The following RGS3 variants were observed in gnomAD, a reference collection of about 807,000 sequenced individuals.
RGS3 encodes the protein regulator of G protein signaling 3.
In RGS3, 80 loss-of-function variants were observed where a neutral mutation model predicts 132.6. The ratio of observed to expected loss-of-function variants is 0.60; its 90% confidence interval spans 0.50 to 0.73. The LOEUF (loss-of-function observed/expected upper bound fraction) is 0.73, where lower values mean the gene tolerates loss of function less well. Among genes scored for constraint, RGS3 ranks in the 30% least tolerant of loss-of-function variants. The pLI, the probability that RGS3 is intolerant of heterozygous loss-of-function variation, is 0.00. For missense variants in RGS3, 1,382 were observed against 1,530.8 expected (o/e 0.90, Z 1.62); for synonymous variants, 598 against 620.6 (o/e 0.96, Z 0.54).
chr9:113,507,290 C>A lies in RGS3; in HGVS notation c.1089C>A (p.Ser363Arg). ...TGTGTGATCCCCCACCTTCCAGGAG[C>A]TGCCCCAGTGAGATCATCCTACTCG... The change falls in exon 13 of 25, where the codon AGC (serine) becomes AGA (arginine). Residue 363 changes from serine (S) to arginine (R), a missense_variant. Transcript: ENST00000350696. The surrounding 1 kb of genome is among the most constrained non-coding windows in gnomAD (Gnocchi z 5.0). The A allele has an allele frequency of 6.2e-7, 1 of 1,605,540 alleles. No individual in the cohort carries two copies.
chr9:113,530,204 A>G (rs112480364), intron 18 of RGS3, among the ~76,000 whole-genome samples: 2,069 of 152,344 alleles, frequency 0.014, 42 homozygotes, highest in African/African-American at 0.048. Flanking sequence ...ACAGTTTGTG[A>G]TTGAAAATCA....
At chr9:113,451,189 A>T (rs2119141675) in intron 1 of RGS3, among the ~76,000 whole-genome samples, 1 of 123,518 alleles carries the variant, frequency 8.1e-6, no homozygotes, top group East Asian at 2.1e-4. Flanking sequence ...AAAAAAAAAG[A>T]AAAAAAAAAA....
At chr9:113,577,376 A>G (rs1295730706) in intron 19 of RGS3, among the ~76,000 whole-genome samples, 2 of 152,178 alleles carry the variant, frequency 1.3e-5, no homozygotes, top group East Asian at 1.9e-4. Context: ...CAACCTCCCT[A>G]GTAAAAAGAT....
chr9:113,463,310 T>C lies in RGS3; in HGVS notation c.415+1109T>C, dbSNP rs112927389. 0.041 allele frequency among the ~76,000 whole-genome samples: 6,274 copies of C among 152,314 alleles called. 170 individuals are homozygous for C. Among genetic ancestry groups the C allele is most frequent in the South Asian group, 0.1 (495 of 4,830 alleles). On this transcript the variant is annotated intron_variant, in intron 3 of 24. Coordinates refer to ENST00000350696, the Ensembl canonical transcript of RGS3. The surrounding 1 kb of genome is among the most constrained non-coding windows in gnomAD (Gnocchi z 4.6). ...AACACTTTTCCAAACCTCACTGCCC[T>C]GGGCCATCGGGTGCTCCTTTGCCTT...
intron 4 of RGS3, among the ~76,000 whole-genome samples, chr9:113,482,651 C>T (rs143913591): frequency 6.6e-5 from 10 of 152,326 alleles, no homozygotes; most frequent in African/African-American, 1.7e-4. Context: ...CCAAATCCAG[C>T]GGTCATTCCC....
At chr9:113,470,152 C>T (rs754121072) in intron 3 of RGS3, among the ~76,000 whole-genome samples, 4 of 133,760 alleles carry the variant, frequency 3.0e-5, no homozygotes, top group Non-Finnish European at 6.3e-5. Flanking sequence ...CTCAGGTGAT[C>T]CACCTGCCTT....
chr9:113,588,260 C>A (rs1454014714), intron 20 of RGS3, among the ~76,000 whole-genome samples: 2 of 152,228 alleles, frequency 1.3e-5, no homozygotes, highest in African/African-American at 4.8e-5. Context: ...GACGATAATA[C>A]CTTCAAGCCT....
chr9:113,594,316 C>T, intron 21 of RGS3, 114 bp from the exon 20 acceptor site: 1 of 1,591,960 alleles, frequency 6.3e-7, no homozygotes, highest in East Asian at 2.2e-5. Flanking sequence ...CGGGAACCTG[C>T]AGAGGCGACA....
rs1412141557 is a variant in RGS3 at position 113,514,532 on chromosome 9, A to G, written c.1552A>G (p.Thr518Ala). The change falls in exon 15 of 25, where the codon ACC (threonine) becomes GCC (alanine). Residue 518 changes from threonine (T) to alanine (A), a missense_variant. Transcript: ENST00000350696. ...GTCCCGGCTGATGAAGACAGTGCAG[A>G]CCATGAAGGGCCACGGGAACTACCA... The G allele has an allele frequency of 7.4e-6, 12 of 1,614,078 alleles. No homozygotes were observed. Among genetic ancestry groups the G allele is most frequent in the Non-Finnish European group, 1.0e-5 (12 of 1,180,048 alleles).
intron 14 of RGS3, among the ~76,000 whole-genome samples, chr9:113,513,268 A>C (rs971641913): frequency 1.2e-4 from 18 of 151,830 alleles, no homozygotes; most frequent in Admixed American, 4.6e-4. Context: ...GTGTGTGTCC[A>C]TCAGTGTCCC....
chr9:113,540,940 C>A (rs530047720), intron 19 of RGS3, among the ~76,000 whole-genome samples: 1 of 152,186 alleles, frequency 6.6e-6, no homozygotes, highest in South Asian at 2.1e-4. Flanking sequence ...CTGAACTAGC[C>A]GCTATCGTTC....
intron 14 of RGS3, among the ~76,000 whole-genome samples, chr9:113,509,307 C>T (rs1412590586): frequency 6.6e-6 from 1 of 151,916 alleles, no homozygotes; most frequent in African/African-American, 2.4e-5. Context: ...AATCCTGTCC[C>T]CTCGCTGAGC....
intron 3 of RGS3, among the ~76,000 whole-genome samples, chr9:113,475,695 C>T (rs535340627): frequency 3.3e-5 from 5 of 152,012 alleles, no homozygotes; most frequent in South Asian, 2.1e-4. Context: ...CAGGCATGAG[C>T]GACCACACCC....
chr9:113,463,626 T>A lies in RGS3; in HGVS notation c.415+1425T>A. On this transcript the variant is annotated intron_variant, in intron 3 of 24. Coordinates refer to ENST00000350696, the Ensembl canonical transcript of RGS3. The surrounding 1 kb of genome is among the most constrained non-coding windows in gnomAD (Gnocchi z 4.6). ...CCAGCTCTGCTCCGGCAGGTGGAAC[T>A]CTCCCCATTCAAACCCGCGCGGGCC... The A allele has an allele frequency of 2.8e-6, 3 of 1,059,832 alleles. No homozygotes were observed. The highest frequency in any genetic ancestry group is 3.6e-6 in the Non-Finnish European group (3 of 825,252). The allele number at this position is 1,059,832 out of a possible 1,614,324, so 65.7% of individuals were successfully genotyped here.
chr9:113,535,078 C>A (rs1832624132), intron 18 of RGS3, among the ~76,000 whole-genome samples: 2 of 152,144 alleles, frequency 1.3e-5, no homozygotes, highest in Admixed American at 1.3e-4. Flanking sequence ...CTTAGTCTGT[C>A]TCATTTACCT....
intron 3 of RGS3, among the ~76,000 whole-genome samples, chr9:113,473,641 C>A (rs1388241092): frequency 6.6e-6 from 1 of 152,196 alleles, no homozygotes; most frequent in East Asian, 1.9e-4. Flanking sequence ...CCTGCCTCAG[C>A]CTCCCAAAGT....
Position 113,584,125 on chromosome 9 carries a change from G to A in RGS3, c.2713G>A (p.Asp905Asn), listed in dbSNP as rs766426185. Residue 905 changes from aspartate (D) to asparagine (N), a missense_variant, in exon 20 of 25, where the codon GAC (aspartate) becomes AAC (asparagine). By Grantham distance (23) the Asp-to-Asn change is conservative. Transcript: ENST00000350696. ...GGACGAGGATGAGGACACCAGCGATGACAACTACGGAGAGCGCAGTGAGGC... is the reference window on the plus strand; with the variant it reads ...GGACGAGGATGAGGACACCAGCGATAACAACTACGGAGAGCGCAGTGAGGC... The A allele has an allele frequency of 3.0e-5, 49 of 1,614,154 alleles. No individual in the cohort carries two copies. The highest frequency in any genetic ancestry group is 4.1e-5 in the Non-Finnish European group (48 of 1,180,054).
chr9:113,537,000 T>C, intron 19 of RGS3, 82 bp downstream of exon 17: 1 of 1,399,996 alleles, frequency 7.1e-7, no homozygotes, highest in Non-Finnish European at 9.9e-7. Flanking sequence ...TGCATTGAGC[T>C]GGGGGCCAGC....
chr9:113,583,489 T>G, exon 20 of RGS3: 1 of 1,614,158 alleles, frequency 6.2e-7, no homozygotes, highest in Non-Finnish European at 8.5e-7. Flanking sequence ...GGAGATGGCC[T>G]TGGAGGAAGG....
Sources: allele counts gnomAD v4.1 joint callset (sites outside exome capture counted in the v4.1 genomes callset), GRCh38; gene constraint gnomAD v4.1.1; non-coding constraint Gnocchi (gnomAD v3.1); transcripts MANE v1.5; gene names NCBI Gene and HGNC (gene_info 2026-07-23, HGNC 2026-07-21).